The following ABCG2 variants were observed in gnomAD, a reference collection of about 807,000 sequenced individuals.
ABCG2 encodes the protein broad substrate specificity ATP-binding cassette transporter ABCG2.
ABCG2 carries 80 observed loss-of-function variants against 73.5 expected under a neutral mutation model. The observed-to-expected ratio is 1.09, with a 90% CI of 0.91 to 1.31. The LOEUF (loss-of-function observed/expected upper bound fraction) is 1.31. ABCG2 is among the 50% of genes most tolerant of loss of function. ABCG2 has a pLI of 0.00. For synonymous variants in ABCG2, 269 were observed against 282.4 expected, an observed-to-expected ratio of 0.95 and a Z score of 0.48; for missense variants, 796 against 786.2, an observed-to-expected ratio of 1.01 and a Z score of -0.15.
intron 2 of ABCG2, among the ~76,000 whole-genome samples, chr4:88,134,576 T>C (rs1016546992): frequency 6.6e-6 from 1 of 152,212 alleles, no homozygotes; most frequent in African/African-American, 2.4e-5. Flanking sequence ...TAACTGCCTC[T>C]AAAATCACCA....
Position 88,216,956 on chromosome 4 carries a change from G to A in ABCG2, c.-20+14038C>T, listed in dbSNP as rs186410331. ...TGAGGCAGGAGAATCACTTGAACCCGGGAGGTGGAGGTTGCAGTGAGCCAA... is the reference window on the plus strand; with the variant it reads ...TGAGGCAGGAGAATCACTTGAACCCAGGAGGTGGAGGTTGCAGTGAGCCAA... On this transcript the variant is annotated intron_variant, in intron 1 of 15. Coordinates refer to the ABCG2 transcript ENST00000515655. Among the ~76,000 whole-genome samples, 14 of 151,826 alleles carry A rather than the reference G, an allele frequency of 9.2e-5. No individual in the cohort carries two copies. In the East Asian group the frequency reaches 9.7e-4, roughly 11 times the overall value.
At chr4:88,153,306 G>C (rs571714005) in intron 1 of ABCG2, among the ~76,000 whole-genome samples, 1 of 152,164 alleles carries the variant, frequency 6.6e-6, no homozygotes, top group South Asian at 2.1e-4. Context: ...AAGTTTTTGG[G>C]GGCGCAGTCC....
chr4:88,109,084 C>T (rs1307996765), intron 9 of ABCG2, among the ~76,000 whole-genome samples: 4 of 151,592 alleles, frequency 2.6e-5, no homozygotes, highest in African/African-American at 7.3e-5. Flanking sequence ...CTGTAACCTC[C>T]AGCTCCCAGG....
intron 1 of ABCG2, among the ~76,000 whole-genome samples, chr4:88,230,237 C>T (rs1730399602): frequency 6.9e-6 from 1 of 145,006 alleles, no homozygotes; most frequent in African/African-American, 2.6e-5. Flanking sequence ...AGATGATCCA[C>T]TTGCCTCGGT....
intron 1 of ABCG2, among the ~76,000 whole-genome samples, chr4:88,192,340 T>C (rs184860507): frequency 3.9e-5 from 6 of 152,318 alleles, no homozygotes; most frequent in African/African-American, 1.4e-4. Flanking sequence ...ATTCACTGGA[T>C]TGTATACTTA....
At chr4:88,105,847 C>CA (rs1478527961) in intron 10 of ABCG2, among the ~76,000 whole-genome samples, 5 of 151,956 alleles carry the variant, frequency 3.3e-5, no homozygotes. Flanking sequence ...AACTCAACAA[C>CA]AAAAAAACAA....
At chr4:88,147,827 G>C (rs943660075) in intron 1 of ABCG2, among the ~76,000 whole-genome samples, 1 of 152,190 alleles carries the variant, frequency 6.6e-6, no homozygotes, top group African/African-American at 2.4e-5. Flanking sequence ...AATAGACTGA[G>C]CATGAAATTT....
At chr4:88,120,837 G>T (rs2110020675) in intron 6 of ABCG2, among the ~76,000 whole-genome samples, 1 of 152,190 alleles carries the variant, frequency 6.6e-6, no homozygotes, top group Non-Finnish European at 1.5e-5. Flanking sequence ...AGGCATGATT[G>T]GTTTTAAAAT....
rs181836006 is a variant in ABCG2, at chr4:88,172,092, C to T, written c.-19-32078G>A. On this transcript the variant is annotated intron_variant, in intron 1 of 15. Coordinates refer to the ABCG2 transcript ENST00000515655. Reference sequence around the variant, plus strand: ...CATGGATCACCTGAGGTCAGGAGTTCGAGACCAGCCTGGCCAACATGGTGA... The same window carrying T: ...CATGGATCACCTGAGGTCAGGAGTTTGAGACCAGCCTGGCCAACATGGTGA... 4.3e-3 allele frequency among the ~76,000 whole-genome samples: 653 copies of T among 151,912 alleles called. 7 individuals carry two copies. Among genetic ancestry groups the T allele is most frequent in the African/African-American group, 0.015 (623 of 41,406 alleles).
At chr4:88,198,478 C>T (rs998217567) in intron 1 of ABCG2, among the ~76,000 whole-genome samples, 1 of 152,048 alleles carries the variant, frequency 6.6e-6, no homozygotes, top group African/African-American at 2.4e-5. Context: ...ACAAAAACTA[C>T]AAAAAATACC....
intron 1 of ABCG2, among the ~76,000 whole-genome samples, chr4:88,156,143 G>A (rs1477539903): frequency 1.3e-5 from 2 of 151,916 alleles, no homozygotes; most frequent in Non-Finnish European, 2.9e-5. Context: ...GGGAGGCCGA[G>A]GCGGGCAGAT....
chr4:88,132,696 G>A, intron 2 of ABCG2, 61 bp from the exon 3 acceptor site: 1 of 1,565,358 alleles, frequency 6.4e-7, no homozygotes, highest in South Asian at 1.1e-5. Flanking sequence ...TATTAATTTA[G>A]GGTAGGCACT....
At chr4:88,120,022 A>C (rs1039416787) in intron 6 of ABCG2, among the ~76,000 whole-genome samples, 1 of 152,186 alleles carries the variant, frequency 6.6e-6, no homozygotes, top group African/African-American at 2.4e-5. Flanking sequence ...TCACAGGCCC[A>C]GAGGCCTAGG....
intron 2 of ABCG2, among the ~76,000 whole-genome samples, chr4:88,139,275 T>C (rs542469341): frequency 1.3e-5 from 2 of 152,288 alleles, no homozygotes; most frequent in Admixed American, 1.3e-4. Context: ...CTTTTTCTTT[T>C]AAGATAGGCT....
At chr4:88,183,660 C>CA (rs1403104396) in intron 1 of ABCG2, among the ~76,000 whole-genome samples, 2 of 151,504 alleles carry the variant, frequency 1.3e-5, no homozygotes, top group Non-Finnish European at 2.9e-5. Flanking sequence ...CCAATTCTAC[C>CA]AAAACTATTC....
At chr4:88,168,243 C>T (rs1268223862) in intron 1 of ABCG2, among the ~76,000 whole-genome samples, 1 of 152,100 alleles carries the variant, frequency 6.6e-6, no homozygotes, top group Admixed American at 6.5e-5. Context: ...AATCCCAGCG[C>T]TTTGGGAGGC....
chr4:88,113,310 A>G lies in ABCG2; in HGVS notation c.1187T>C (p.Ile396Thr), dbSNP rs1293505682. ...AAAGAATCTGCTGGTTACCTGAGCT[A>G]TAGAGGCCTGGGGATTACCCAGCAA... ...KNLLGNPQAS[I>T]AQIIVTVVLG... is the part of the protein sequence containing the mutation. The change falls in exon 9 of 16, where the codon ATA becomes ACA. Residue 396 changes from isoleucine to threonine, a missense_variant. Physicochemically the swap from Ile to Thr is moderately conservative, Grantham distance 89. Coordinates refer to ENST00000237612, the MANE Select transcript of ABCG2 (RefSeq NM_004827.3). 2 of 1,613,950 alleles carry G rather than the reference A, an allele frequency of 1.2e-6. No individual in the cohort carries two copies. The highest frequency in any genetic ancestry group is 1.7e-6 in the Non-Finnish European group (2 of 1,179,950).
At chr4:88,115,231 A>AGTCTCTCTCTCTCT (rs1723456182) in intron 7 of ABCG2, among the ~76,000 whole-genome samples, 173 bp from the exon 8 acceptor site, 1 of 22,114 alleles carries the variant, frequency 4.5e-5, no homozygotes, top group Non-Finnish European at 7.4e-5. Flanking sequence ...TTATATATTC[A>AGTCTCTCTCTCTCT]GTCTCTCTCT....
At chr4:88,152,103 A>G (rs1439351110) in intron 1 of ABCG2, among the ~76,000 whole-genome samples, 2 of 152,212 alleles carry the variant, frequency 1.3e-5, no homozygotes, top group Non-Finnish European at 2.9e-5. Flanking sequence ...CTACTCAGCT[A>G]ATAAAATGAT....
Sources: allele counts gnomAD v4.1 joint callset (sites outside exome capture counted in the v4.1 genomes callset), GRCh38; gene constraint gnomAD v4.1.1; transcripts MANE v1.5; gene names NCBI Gene and HGNC (gene_info 2026-07-23, HGNC 2026-07-21).